Variants in SOS2 observed in about 807,000 individuals in gnomAD.
The protein encoded by SOS2 is son of sevenless homolog 2.
SOS2 carries 65 observed loss-of-function variants against 148.2 expected under a neutral mutation model. The observed-to-expected ratio is 0.44, with a 90% CI of 0.36 to 0.54. The LOEUF (loss-of-function observed/expected upper bound fraction) is 0.54. SOS2 is among the 20% of genes least tolerant of loss of function. The pLI, the probability that SOS2 is intolerant of heterozygous loss-of-function variation, is 0.00. For synonymous variants in SOS2, 539 were observed against 537.1 expected, an observed-to-expected ratio of 1.00 and a Z score of -0.05; for missense variants, 1,341 against 1,590.2, an observed-to-expected ratio of 0.84 and a Z score of 2.67.
chr14:50,177,086 C>T (rs2139686465), intron 7 of SOS2, among the ~76,000 whole-genome samples: 1 of 152,214 alleles, frequency 6.6e-6, no homozygotes, highest in East Asian at 1.9e-4. Context: ...AAGTCTGCTA[C>T]ACAGTCCAGG....
Position 50,159,587 on chromosome 14 carries a change from T to G in SOS2, c.1696A>C (p.Arg566=). The G allele has an allele frequency of 6.2e-7, 1 of 1,614,072 alleles. No homozygotes were observed. The highest frequency in any genetic ancestry group is 2.2e-5 in the East Asian group (1 of 44,874). Residue 566 remains arginine, a synonymous_variant, in exon 10 of 23, where the codon AGA becomes CGA. Transcript: ENST00000216373. ...LLKEENEQPL[R]LPSPEVYRFV... ...CGATATACTTCAGGACTTGGTAATC[T>G]CAGTGGTTGCTCATTTTCTTCTTTC...
chr14:50,170,197 C>T (rs76836516), intron 8 of SOS2, among the ~76,000 whole-genome samples: 3,134 of 151,304 alleles, frequency 0.021, 71 homozygotes, highest in Non-Finnish European at 0.026. Flanking sequence ...CCTCCCAAAG[C>T]GCTGAGATTA....
intron 18 of SOS2, among the ~76,000 whole-genome samples, chr14:50,137,889 G>C (rs149979711): frequency 2.0e-5 from 3 of 152,266 alleles, no homozygotes; most frequent in African/African-American, 7.2e-5. Flanking sequence ...ACCCAGGCTG[G>C]AAGGCAGTGG....
In SOS2 at chr14:50,201,104, C is replaced by G; in HGVS notation, c.214-20G>C. ...TCGCTCCTGCTCAATCACAGCAGAACCATTGTAGTATTAATAAAAGTGTTC... is the reference window on the plus strand; with the variant it reads ...TCGCTCCTGCTCAATCACAGCAGAAGCATTGTAGTATTAATAAAAGTGTTC... On this transcript the variant is annotated intron_variant, in intron 2 of 22. Coordinates refer to ENST00000216373, the MANE Select transcript of SOS2 (RefSeq NM_006939.4). 6.2e-7 allele frequency: 1 copy of G among 1,610,460 alleles called. No individual in the cohort carries two copies. Among genetic ancestry groups the G allele is most frequent in the South Asian group, 1.1e-5 (1 of 90,746 alleles).
chr14:50,157,236 A>G (rs892749593), intron 11 of SOS2, 115 bp from the exon 12 acceptor site: 3 of 1,192,780 alleles, frequency 2.5e-6, no homozygotes, highest in Non-Finnish European at 3.5e-6. Context: ...TTACTGTTAA[A>G]CTTCCCTTGA....
chr14:50,173,146 T>G (rs1007788461), intron 8 of SOS2, among the ~76,000 whole-genome samples: 3 of 152,154 alleles, frequency 2.0e-5, no homozygotes, highest in African/African-American at 7.2e-5. Context: ...TTCCAACTTT[T>G]TAACTGCTCT....
chr14:50,133,249 C>CTTTTTT (rs1175960937), intron 19 of SOS2, among the ~76,000 whole-genome samples: 2 of 105,636 alleles, frequency 1.9e-5, no homozygotes, highest in African/African-American at 7.3e-5. Context: ...TTTCTTTTTT[C>CTTTTTT]TTTTTTTTTT....
intron 1 of SOS2, among the ~76,000 whole-genome samples, chr14:50,219,781 T>TA (rs1259689779): frequency 6.6e-6 from 1 of 152,142 alleles, no homozygotes; most frequent in African/African-American, 2.4e-5. Context: ...AGTGTATAAT[T>TA]AAAAATTGAA....
rs75258743 is a variant in SOS2 at position 50,186,871 on chromosome 14, C to A, written c.714+1626G>T. Reference sequence around the variant, plus strand: ...TTTCGATTATCATTTAAAACTCATTCTTTTGGAATATAATGAGAAAAGCTA... The same window carrying A: ...TTTCGATTATCATTTAAAACTCATTATTTTGGAATATAATGAGAAAAGCTA... On this transcript the variant is annotated intron_variant, in intron 5 of 22. Transcript: ENST00000216373. 3.0e-3 allele frequency among the ~76,000 whole-genome samples: 459 copies of A among 152,286 alleles called. 2 individuals are homozygous for A. Among genetic ancestry groups the A allele is most frequent in the African/African-American group, 0.01 (423 of 41,578 alleles).
At chr14:50,203,292 T>C (rs1886554986) in intron 2 of SOS2, among the ~76,000 whole-genome samples, 1 of 152,064 alleles carries the variant, frequency 6.6e-6, no homozygotes, top group South Asian at 2.1e-4. Flanking sequence ...AGCTTGAACC[T>C]GGGTAGCTGA....
At chr14:50,142,915 G>A (rs1371812954) in intron 16 of SOS2, among the ~76,000 whole-genome samples, 1 of 152,098 alleles carries the variant, frequency 6.6e-6, no homozygotes, top group Non-Finnish European at 1.5e-5. Flanking sequence ...ATTCCCAAAA[G>A]CAGTATTTAT....
chr14:50,133,887 T>C (rs937405493), intron 19 of SOS2, among the ~76,000 whole-genome samples: 5 of 152,122 alleles, frequency 3.3e-5, no homozygotes, highest in African/African-American at 1.2e-4. Flanking sequence ...CTTTTTGTAT[T>C]ATTCTAGGAG....
chr14:50,131,729 A>C (rs117618598), intron 19 of SOS2, among the ~76,000 whole-genome samples: 3,134 of 152,300 alleles, frequency 0.021, 72 homozygotes, highest in Non-Finnish European at 0.026. Flanking sequence ...CTAATACTTT[A>C]TGAAAAGTTT....
intron 1 of SOS2, among the ~76,000 whole-genome samples, chr14:50,213,156 G>C (rs1262100551): frequency 1.3e-5 from 2 of 152,202 alleles, no homozygotes; most frequent in African/African-American, 4.8e-5. Context: ...GATGAGAGCT[G>C]TAAAACAGGA....
At chr14:50,137,499 A>G (rs1192069523) in intron 18 of SOS2, among the ~76,000 whole-genome samples, 1 of 152,220 alleles carries the variant, frequency 6.6e-6, no homozygotes, top group African/African-American at 2.4e-5. Context: ...AATACTTTCA[A>G]AAGAAAGTAC....
intron 8 of SOS2, among the ~76,000 whole-genome samples, chr14:50,164,896 A>C (rs1395039927): frequency 6.6e-6 from 1 of 152,184 alleles, no homozygotes; most frequent in African/African-American, 2.4e-5. Flanking sequence ...AACTCCTGTA[A>C]TACTCTGAAT....
At chr14:50,170,910 C>A (rs538975758) in intron 8 of SOS2, among the ~76,000 whole-genome samples, 1 of 150,344 alleles carries the variant, frequency 6.7e-6, no homozygotes, top group Non-Finnish European at 1.5e-5. Context: ...GTCAGGAATT[C>A]GAGACCAGCC....
intron 11 of SOS2, among the ~76,000 whole-genome samples, chr14:50,158,010 T>G (rs889743482): frequency 3.9e-5 from 6 of 152,144 alleles, no homozygotes; most frequent in Admixed American, 3.9e-4. Context: ...AAAATATTTA[T>G]AGATGAATTA....
intron 16 of SOS2, among the ~76,000 whole-genome samples, chr14:50,142,157 G>A (rs1484098785): frequency 1.3e-5 from 2 of 151,800 alleles, no homozygotes; most frequent in South Asian, 2.1e-4. Flanking sequence ...ACAGGCGCCC[G>A]CCAGCATGCC....
Sources: gnomAD v4.1 joint callset for allele counts (sites outside exome capture counted in the v4.1 genomes callset) on GRCh38, gnomAD v4.1.1 for gene constraint, MANE v1.5 for transcripts, NCBI Gene and HGNC (gene_info 2026-07-23, HGNC 2026-07-21) for gene names.